WASF1: variants seen among roughly 807,000 people sequenced by gnomAD.
WASF1 encodes the protein WASP family member 1.
Under a neutral mutation model 50.5 loss-of-function variants are expected in WASF1, and 7 were observed. That is an observed-to-expected ratio of 0.14 (90% CI 0.08 to 0.26). The LOEUF (loss-of-function observed/expected upper bound fraction) is 0.26. Among genes scored for constraint, WASF1 ranks in the 10% least tolerant of loss-of-function variants. The probability of loss-of-function intolerance (pLI) is 1.00; values close to 1 mark genes in which losing one functional copy is unlikely to be tolerated. For synonymous variants in WASF1, 205 were observed against 244.0 expected (o/e 0.84, Z 1.49); for missense variants, 470 against 694.7 (o/e 0.68, Z 3.64).
rs1336542054 is a variant in WASF1 at position 110,164,915 on chromosome 6, ATAT to A, written c.-126-4186_-126-4184del. On this transcript the variant is annotated intron_variant, in intron 2 of 10. Coordinates refer to ENST00000392589, the MANE Select transcript of WASF1 (RefSeq NM_003931.3). The stretch of plus-strand genomic sequence containing the variant: ...AATACATGGGAGGAACCTTAAATGC[ATAT>A]TACCAAGTCAAAGAAGCGAATTTGA... 3.0e-3 allele frequency among the ~76,000 whole-genome samples: 450 copies of A among 151,816 alleles called. 1 individual carries two copies. Among genetic ancestry groups the A allele is most frequent in the African/African-American group, 0.01 (434 of 41,514 alleles).
chr6:110,105,291 A>G (rs1421376971), intron 8 of WASF1, 116 bp downstream of exon 8: 10 of 1,100,494 alleles, frequency 9.1e-6, no homozygotes, highest in African/African-American at 4.8e-5. Context: ...AATAATCTCT[A>G]TATTTATAAC....
At chr6:110,154,310 TATC>T (rs2114588097) in intron 3 of WASF1, among the ~76,000 whole-genome samples, 1 of 152,174 alleles carries the variant, frequency 6.6e-6, no homozygotes, top group South Asian at 2.1e-4. Flanking sequence ...TACCTAACAA[TATC>T]ATATGGAAAC....
intron 3 of WASF1, among the ~76,000 whole-genome samples, chr6:110,130,273 A>G: frequency 6.6e-6 from 1 of 152,200 alleles, no homozygotes; most frequent in East Asian, 1.9e-4. Context: ...ATGTAACCCC[A>G]TTAAGAAATA....
chr6:110,102,318 A>G (rs1055198863), intron 9 of WASF1, 102 bp from the exon 10 acceptor site: 8 of 1,199,224 alleles, frequency 6.7e-6, no homozygotes, highest in Non-Finnish European at 8.6e-6. Context: ...TTATATCAAA[A>G]TGGATCCAAT....
chr6:110,100,428 A>G lies in WASF1; in HGVS notation c.*94T>C. On this transcript the variant is annotated 3_prime_UTR_variant, in exon 11 of 11. Coordinates refer to ENST00000392589, the MANE Select transcript of WASF1 (RefSeq NM_003931.3). ...AGGGTCATTTATTATAAGGAAAAGA[A>G]AGCAAAACACTAGAATGACCAAACA... 1 of 1,227,684 alleles carries G rather than the reference A, an allele frequency of 8.1e-7. No homozygotes were observed. Among genetic ancestry groups the G allele is most frequent in the Non-Finnish European group, 1.1e-6 (1 of 926,832 alleles). The allele number at this position is 1,227,684 out of a possible 1,614,324, so 76.0% of individuals were successfully genotyped here.
At chr6:110,160,959 G>A (rs193292637) in intron 2 of WASF1, among the ~76,000 whole-genome samples, 6 of 151,048 alleles carry the variant, frequency 4.0e-5, no homozygotes, top group Non-Finnish European at 5.9e-5. Flanking sequence ...AAATTATCTC[G>A]ATGAAATAAA....
chr6:110,174,217 A>C (rs1776831862), intron 2 of WASF1, among the ~76,000 whole-genome samples: 1 of 151,874 alleles, frequency 6.6e-6, no homozygotes, highest in South Asian at 2.1e-4. Flanking sequence ...CTTGCCTCTA[A>C]GAAGCCTCCC....
chr6:110,148,558 C>A (rs78870342), intron 3 of WASF1, among the ~76,000 whole-genome samples: 2 of 152,008 alleles, frequency 1.3e-5, no homozygotes, highest in African/African-American at 4.8e-5. Flanking sequence ...TGAGAGCAAG[C>A]CATCATGGGT....
chr6:110,101,298 TTTAA>T (rs1364383915), intron 10 of WASF1, among the ~76,000 whole-genome samples: 1 of 152,170 alleles, frequency 6.6e-6, no homozygotes, highest in East Asian at 1.9e-4. Context: ...TATAAAGGGT[TTTAA>T]TTAAATGTTC....
chr6:110,179,395 A>AC (rs1191431653), intron 1 of WASF1, 44 bp downstream of exon 1: 1 of 151,528 alleles, frequency 6.6e-6, no homozygotes, highest in Admixed American at 6.6e-5. Flanking sequence ...CTCTCCCAAC[A>AC]CCCCCTCCCC....
chr6:110,135,869 C>G (rs1198777809), intron 3 of WASF1, among the ~76,000 whole-genome samples: 1 of 144,898 alleles, frequency 6.9e-6, no homozygotes, highest in Non-Finnish European at 1.5e-5. Flanking sequence ...AGAAAACAGT[C>G]CATTATCTTT....
intron 2 of WASF1, among the ~76,000 whole-genome samples, chr6:110,167,445 C>CAGT (rs1776525232): frequency 6.6e-6 from 1 of 151,908 alleles, no homozygotes; most frequent in South Asian, 2.1e-4. Flanking sequence ...AGGTAGAAGA[C>CAGT]AGTGATATCA....
intron 3 of WASF1, among the ~76,000 whole-genome samples, chr6:110,147,684 A>C (rs904835393): frequency 6.6e-6 from 1 of 152,200 alleles, no homozygotes; most frequent in Non-Finnish European, 1.5e-5. Flanking sequence ...AAATTAATAT[A>C]ACCACTACTG....
Position 110,133,969 on chromosome 6 carries a change from T to C in WASF1, c.-28-6340A>G, listed in dbSNP as rs1774821798. Among the ~76,000 whole-genome samples, 2 of 152,210 alleles carry C rather than the reference T, an allele frequency of 1.3e-5. 1 individual carries two copies. The highest frequency in any genetic ancestry group is 4.8e-5 in the African/African-American group (2 of 41,452). On this transcript the variant is annotated intron_variant, in intron 3 of 10. Transcript: ENST00000392589. ...GTCTAGAAGGGTTTTTCCGATGTTATCTTCTAGAATTTTGTCTTGTTTTTA... is the reference window on the plus strand; with the variant it reads ...GTCTAGAAGGGTTTTTCCGATGTTACCTTCTAGAATTTTGTCTTGTTTTTA...
At chr6:110,148,507 T>C (rs73765669) in intron 3 of WASF1, among the ~76,000 whole-genome samples, 2,306 of 152,236 alleles carry the variant, frequency 0.015, 43 homozygotes, top group African/African-American at 0.054. Flanking sequence ...CTTGTGCGTG[T>C]GTTTTCATTC....
intron 2 of WASF1, among the ~76,000 whole-genome samples, chr6:110,166,058 G>A (rs937393715): frequency 2.0e-5 from 3 of 151,516 alleles, no homozygotes; most frequent in Non-Finnish European, 4.4e-5. Flanking sequence ...ATATAGATGG[G>A]AAAACAGAAT....
intron 5 of WASF1, among the ~76,000 whole-genome samples, chr6:110,110,345 A>G (rs1416517159): frequency 1.3e-5 from 2 of 152,134 alleles, no homozygotes; most frequent in Non-Finnish European, 2.9e-5. Context: ...ACAATACCAC[A>G]CGCTGTTCTC....
intron 3 of WASF1, among the ~76,000 whole-genome samples, chr6:110,137,228 T>A (rs1382861996): frequency 6.6e-6 from 1 of 152,208 alleles, no homozygotes; most frequent in East Asian, 1.9e-4. Context: ...ATTCAAAACA[T>A]TCAAAACTGA....
chr6:110,144,283 A>G (rs1198540982), intron 3 of WASF1, among the ~76,000 whole-genome samples: 1 of 152,102 alleles, frequency 6.6e-6, no homozygotes, highest in Non-Finnish European at 1.5e-5. Context: ...GTCTGTTCAT[A>G]TCCTTTCCCC....
Sources: allele counts gnomAD v4.1 joint callset (sites outside exome capture counted in the v4.1 genomes callset), GRCh38; gene constraint gnomAD v4.1.1; transcripts MANE v1.5; gene names NCBI Gene and HGNC (gene_info 2026-07-23, HGNC 2026-07-21).